The following NDE1 variants were observed in gnomAD, a reference collection of about 807,000 sequenced individuals.
NDE1 encodes the protein nudE neurodevelopment protein 1.
In NDE1, 28 loss-of-function variants were observed where a neutral mutation model predicts 43.4. That is an observed-to-expected ratio of 0.65 (90% CI 0.48 to 0.89). The LOEUF is 0.89. NDE1 is among the 40% of genes least tolerant of loss of function. The pLI is 0.00. For synonymous variants in NDE1, 184 were observed against 172.0 expected, an observed-to-expected ratio of 1.07 and a Z score of -0.55; for missense variants, 441 against 434.1, an observed-to-expected ratio of 1.02 and a Z score of -0.14.
At chr16:15,646,140 A>T (rs1042171888), upstream of NDE1, among the ~76,000 whole-genome samples, 2 of 152,228 alleles carry the variant, frequency 1.3e-5, no homozygotes, top group Non-Finnish European at 2.9e-5. Flanking sequence ...AATTTGGGAA[A>T]TTGAGAACCA....
chr16:15,675,428 T>C (rs934619428), intron 3 of NDE1, among the ~76,000 whole-genome samples: 3 of 151,566 alleles, frequency 2.0e-5, no homozygotes, highest in Non-Finnish European at 4.4e-5. Flanking sequence ...TTTTGGGTTT[T>C]TTTTTTTTTT....
intron 8 of NDE1, among the ~76,000 whole-genome samples, chr16:15,723,508 ATAG>A (rs200055589): frequency 0.016 from 2,375 of 152,244 alleles, 64 homozygotes; most frequent in African/African-American, 0.054. Context: ...TTAGCCAGAC[ATAG>A]TGGTGTGCTC....
chr16:15,719,160 G>A (rs1279621500), intron 8 of NDE1: 3 of 1,507,840 alleles, frequency 2.0e-6, no homozygotes, highest in Non-Finnish European at 2.8e-6. Context: ...GGGGGTCGAG[G>A]ATGCTGCCTG....
At chr16:15,680,728 C>T (rs939412096) in intron 4 of NDE1, among the ~76,000 whole-genome samples, 4 of 151,982 alleles carry the variant, frequency 2.6e-5, no homozygotes, top group South Asian at 2.1e-4. Context: ...TTAGCAGAGA[C>T]GGAGTTTTGC....
At chr16:15,691,454 G>C (rs1473503160) in intron 6 of NDE1, 131 bp downstream of exon 6, 1 of 1,050,872 alleles carries the variant, frequency 9.5e-7, no homozygotes, top group Non-Finnish European at 1.4e-6. Flanking sequence ...GCTTTGAGCA[G>C]AGAGTAGACT....
intron 1 of NDE1, among the ~76,000 whole-genome samples, 159 bp from the exon 2 acceptor site, chr16:15,664,577 G>C (rs373644865): frequency 1.3e-5 from 2 of 151,564 alleles, no homozygotes; most frequent in East Asian, 1.9e-4. Flanking sequence ...GGGTGGTCTC[G>C]ATCTCCTGAC....
At chr16:15,644,831 A>C (rs2036283218) in intron 1 of NDE1, among the ~76,000 whole-genome samples, 1 of 152,166 alleles carries the variant, frequency 6.6e-6, no homozygotes. Flanking sequence ...CTTAAGAAAC[A>C]AGGTAATTGT....
chr16:15,708,432 G>A (rs1197801435), intron 8 of NDE1, among the ~76,000 whole-genome samples: 1 of 152,204 alleles, frequency 6.6e-6, no homozygotes, highest in African/African-American at 2.4e-5. Context: ...GGACAAGGGA[G>A]GACAGCACTG....
intron 1 of NDE1, among the ~76,000 whole-genome samples, chr16:15,656,393 G>A (rs1159249530): frequency 2.6e-5 from 4 of 152,028 alleles, no homozygotes; most frequent in Admixed American, 1.3e-4. Flanking sequence ...CCATTGGCCC[G>A]TTGTAATTAG....
chr16:15,689,650 G>A (rs2038627625), intron 5 of NDE1, among the ~76,000 whole-genome samples: 1 of 152,106 alleles, frequency 6.6e-6, no homozygotes, highest in Non-Finnish European at 1.5e-5. Flanking sequence ...TTTGAAAATG[G>A]AGAGAACAGC....
At chr16:15,715,138 G>A (rs769561428) in intron 8 of NDE1, 88 of 1,612,562 alleles carry the variant, frequency 5.5e-5, no homozygotes, top group Non-Finnish European at 2.5e-5. Context: ...CTGGGGGCTC[G>A]AGGGAGGCTG....
intron 4 of NDE1, among the ~76,000 whole-genome samples, chr16:15,683,781 TGGG>T (rs1484457298): frequency 6.6e-6 from 1 of 152,164 alleles, no homozygotes; most frequent in Non-Finnish European, 1.5e-5. Context: ...TCTTAGTACT[TGGG>T]GAGGCTGAGG....
At chr16:15,718,252 T>C (rs982598510) in intron 8 of NDE1, 36 of 1,602,548 alleles carry the variant, frequency 2.2e-5, no homozygotes, top group Non-Finnish European at 2.7e-5. Context: ...TGTTGACTGG[T>C]GCAGGATCCT....
In NDE1 at chr16:15,725,268, T is replaced by C; in HGVS notation, c.*1017T>C. On this transcript the variant is annotated 3_prime_UTR_variant, in exon 9 of 9. Coordinates refer to ENST00000396354, the MANE Select transcript of NDE1 (RefSeq NM_017668.3). Reference sequence around the variant, plus strand: ...GAACTTATTTGAGCCCCAATGGTATTGACTGGGACCTGATCCCACTAAATG... The same window carrying C: ...GAACTTATTTGAGCCCCAATGGTATCGACTGGGACCTGATCCCACTAAATG... 1 of 590,110 alleles carries C rather than the reference T, an allele frequency of 1.7e-6. No individual in the cohort carries two copies. Among genetic ancestry groups the C allele is most frequent in the Non-Finnish European group, 3.0e-6 (1 of 333,750 alleles). The allele number at this position is 590,110 out of a possible 1,614,324, so 36.6% of individuals were successfully genotyped here.
At chr16:15,678,115 G>T (rs1045760241) in intron 4 of NDE1, among the ~76,000 whole-genome samples, 166 bp downstream of exon 4, 1 of 152,156 alleles carries the variant, frequency 6.6e-6, no homozygotes, top group South Asian at 2.1e-4. Context: ...GACAATAGTC[G>T]AAGAAGTGCA....
chr16:15,671,850 G>T (rs571996562), intron 3 of NDE1, among the ~76,000 whole-genome samples: 1 of 151,836 alleles, frequency 6.6e-6, no homozygotes, highest in Non-Finnish European at 1.5e-5. Flanking sequence ...GCCACACCAC[G>T]CCTGGCTAAT....
At chr16:15,667,557 A>C in intron 3 of NDE1, 118 bp downstream of exon 3, 3 of 1,283,436 alleles carry the variant, frequency 2.3e-6, no homozygotes, top group Non-Finnish European at 2.2e-6. Context: ...GCCCATGCTC[A>C]TCTCTGGAAG....
chr16:15,705,753 G>A (rs184356470), intron 8 of NDE1, among the ~76,000 whole-genome samples: 57 of 152,068 alleles, frequency 3.7e-4, no homozygotes, highest in African/African-American at 1.3e-3. Flanking sequence ...AGGCTGAGGC[G>A]GGCGGATCAT....
chr16:15,650,333 T>C, intron 1 of NDE1, 39 bp downstream of exon 1: 1 of 238,834 alleles, frequency 4.2e-6, no homozygotes, highest in Non-Finnish European at 8.7e-6. Context: ...TCGGGGTGGC[T>C]GTCCGGGGAC....
Sources: gnomAD v4.1 joint callset for allele counts (sites outside exome capture counted in the v4.1 genomes callset) on GRCh38, gnomAD v4.1.1 for gene constraint, MANE v1.5 for transcripts, NCBI Gene and HGNC (gene_info 2026-07-23, HGNC 2026-07-21) for gene names.